NRK: variants seen among roughly 807,000 people sequenced by gnomAD.
The protein encoded by NRK is Nik related kinase.
In NRK, 67 loss-of-function variants were observed where a neutral mutation model predicts 125.2. That is an observed-to-expected ratio of 0.54 (90% CI 0.44 to 0.66). NRK has a LOEUF of 0.66. NRK is among the 30% of genes least tolerant of loss of function. The probability of loss-of-function intolerance (pLI) is 0.00; values close to 1 mark genes in which losing one functional copy is unlikely to be tolerated. For synonymous variants in NRK, 458 were observed against 429.0 expected, an observed-to-expected ratio of 1.07 and a Z score of -0.84; for missense variants, 1,224 against 1,192.9, an observed-to-expected ratio of 1.03 and a Z score of -0.38.
chrX:105,955,631 A>C lies in NRK; in HGVS notation c.*31A>C. 1.3e-6 allele frequency: 1 copy of C among 745,629 alleles called. No homozygotes were observed. The allele number at this position is 745,629 out of a possible 1,213,427, so 61.4% of individuals were successfully genotyped here. On this transcript the variant is annotated 3_prime_UTR_variant, in exon 29 of 29. Transcript: ENST00000243300. ...TCCAGTGATTTATTACCACATTATA[A>C]ACATCATGTATAGGCAGTCTGCATC...
intron 1 of NRK, among the ~76,000 whole-genome samples, chrX:105,824,984 G>A (rs2039074723): frequency 9.0e-6 from 1 of 111,534 alleles, no homozygotes; most frequent in African/African-American, 3.3e-5. Flanking sequence ...AGCAAATTAT[G>A]CATAATTCTC....
chrX:105,827,400 G>A (rs1391980230), intron 1 of NRK, among the ~76,000 whole-genome samples: 1 of 111,742 alleles, frequency 8.9e-6, no homozygotes, highest in Non-Finnish European at 1.9e-5. Flanking sequence ...TGCTACTCAT[G>A]TTGACCATTT....
intron 2 of NRK, among the ~76,000 whole-genome samples, chrX:105,849,351 G>T (rs2039441205): frequency 9.0e-6 from 1 of 111,528 alleles, no homozygotes; most frequent in Admixed American, 9.5e-5. Flanking sequence ...TGAGAATTCT[G>T]GGAGATACAA....
chrX:105,870,507 G>A (rs368650973), intron 2 of NRK, among the ~76,000 whole-genome samples: 7 of 111,868 alleles, frequency 6.3e-5, no homozygotes, highest in African/African-American at 2.3e-4. Context: ...TCTTTCCTTA[G>A]TTGCCTACTA....
At position 105,839,872 on chromosome X, in the gene NRK, G is replaced by GT. The variant is rs772941393; in HGVS notation, c.123+8760dup. On this transcript the variant is annotated intron_variant, in intron 2 of 28. Transcript: ENST00000243300. ...AATGAAAAGAGGAAATTGGGACATA[G>GT]TTTTTTTGTTTTTGTTCCTGTATGT... Among the ~76,000 whole-genome samples the GT allele has an allele frequency of 2.2e-4, 24 of 111,409 alleles. No homozygotes were observed. In the East Asian group the frequency reaches 6.2e-3, roughly 29 times the overall value.
At chrX:105,948,482 A>G (rs2040847931) in intron 26 of NRK, 1 of 346,681 alleles carries the variant, frequency 2.9e-6, no homozygotes, top group Admixed American at 5.6e-5. Context: ...TGTGCTAAAG[A>G]ATATCTAGTT....
At chrX:105,881,345 C>T (rs2039882215) in intron 3 of NRK, among the ~76,000 whole-genome samples, 1 of 111,167 alleles carries the variant, frequency 9.0e-6, no homozygotes, top group South Asian at 3.7e-4. Context: ...CTTAAGAGAC[C>T]TTGACATACT....
Position 105,923,411 on chromosome X carries a change from C to A in NRK, c.2904C>A (p.Asp968Glu). ...ATCAGGCTAATGATGTTTGTAAAGACCATGATGATGACAACAATAAGTTTG... is the reference window on the plus strand; with the variant it reads ...ATCAGGCTAATGATGTTTGTAAAGAACATGATGATGACAACAATAAGTTTG... ...QVDQANDVCK[D>E]HDDDNNKFVD... The change falls in exon 18 of 29, where the codon GAC (aspartate) becomes GAA (glutamate). Residue 968 changes from aspartate (D) to glutamate (E), a missense_variant. Asp to Glu is a conservative substitution (Grantham distance 45). Coordinates refer to ENST00000243300, the MANE Select transcript of NRK (RefSeq NM_198465.4). The A allele has an allele frequency of 8.7e-7, 1 of 1,143,439 alleles. No homozygotes were observed. Among genetic ancestry groups the A allele is most frequent in the Non-Finnish European group, 1.2e-6 (1 of 851,961 alleles). The allele number at this position is 1,143,439 out of a possible 1,213,427, so 94.2% of individuals were successfully genotyped here. A position where few individuals can be genotyped will look rare whatever the true frequency, so the allele number is the denominator to read the frequency against.
At chrX:105,850,037 A>C (rs2039451373) in intron 2 of NRK, among the ~76,000 whole-genome samples, 1 of 112,393 alleles carries the variant, frequency 8.9e-6, no homozygotes, top group African/African-American at 3.2e-5. Flanking sequence ...CTGCCCTAGC[A>C]GAGGTTCTCC....
intron 9 of NRK, among the ~76,000 whole-genome samples, chrX:105,904,328 G>A (rs1188503603): frequency 9.0e-6 from 1 of 111,308 alleles, no homozygotes; most frequent in Non-Finnish European, 1.9e-5. Flanking sequence ...AACCAATGAG[G>A]TAATTAATTT....
intron 2 of NRK, among the ~76,000 whole-genome samples, chrX:105,840,934 A>T (rs1427541440): frequency 1.8e-5 from 2 of 110,451 alleles, no homozygotes; most frequent in Non-Finnish European, 3.8e-5. Context: ...AAGGTGGTTG[A>T]AGTATCACAA....
intron 2 of NRK, among the ~76,000 whole-genome samples, chrX:105,850,181 A>G (rs2039453881): frequency 8.9e-6 from 1 of 112,675 alleles, no homozygotes; most frequent in African/African-American, 3.2e-5. Flanking sequence ...CACTATGTGG[A>G]AGATGCAAAG....
intron 4 of NRK, 79 bp from the exon 5 acceptor site, chrX:105,888,215 A>G: frequency 1.3e-6 from 1 of 785,985 alleles, no homozygotes; most frequent in South Asian, 4.1e-5. Flanking sequence ...ATTCTCCTTC[A>G]TTGATATACT....
chrX:105,943,570 G>A (rs2040774127), intron 23 of NRK, among the ~76,000 whole-genome samples: 1 of 111,908 alleles, frequency 8.9e-6, no homozygotes. Flanking sequence ...AAGGCCATTG[G>A]GATTTTAATA....
At chrX:105,823,000 A>G (rs1342520201) in intron 1 of NRK, 98 bp downstream of exon 1, 2 of 794,438 alleles carry the variant, frequency 2.5e-6, no homozygotes, top group African/African-American at 4.2e-5. Flanking sequence ...GGGCTAGACC[A>G]GGACTTCGAC....
At chrX:105,947,920 G>T (rs2040838683) in intron 26 of NRK, among the ~76,000 whole-genome samples, 1 of 111,829 alleles carries the variant, frequency 8.9e-6, no homozygotes, top group African/African-American at 3.2e-5. Flanking sequence ...TTACTCAGTT[G>T]TTGCCCATGA....
At chrX:105,926,175 A>G (rs1450033414) in intron 19 of NRK, among the ~76,000 whole-genome samples, 2 of 111,019 alleles carry the variant, frequency 1.8e-5, no homozygotes, top group Admixed American at 1.9e-4. Context: ...TGTGGTTCTG[A>G]TTTGCATTTT....
chrX:105,839,864 G>T (rs1210967289), intron 2 of NRK, among the ~76,000 whole-genome samples: 1 of 111,155 alleles, frequency 9.0e-6, no homozygotes. Flanking sequence ...AGAGGAAATT[G>T]GGACATAGTT....
intron 2 of NRK, among the ~76,000 whole-genome samples, chrX:105,866,796 C>T (rs1017469524): frequency 8.9e-6 from 1 of 111,870 alleles, no homozygotes; most frequent in Non-Finnish European, 1.9e-5. Flanking sequence ...AAACAAATAG[C>T]ATAATAATTC....
Sources: allele counts gnomAD v4.1 joint callset (sites outside exome capture counted in the v4.1 genomes callset), GRCh38; gene constraint gnomAD v4.1.1; transcripts MANE v1.5; gene names NCBI Gene and HGNC (gene_info 2026-07-23, HGNC 2026-07-21).